DPP10: variants seen among roughly 807,000 people sequenced by gnomAD.
The protein encoded by DPP10 is inactive dipeptidyl peptidase 10.
A neutral mutation model predicts 120.9 loss-of-function variants in DPP10; 33 were observed. The ratio of observed to expected loss-of-function variants is 0.27; its 90% CI spans 0.21 to 0.37. The LOEUF (loss-of-function observed/expected upper bound fraction) is 0.37. Ranked by LOEUF, DPP10 falls within the 10% of genes least tolerant of loss-of-function variation. The pLI is 1.00. For missense variants in DPP10, 816 were observed against 942.8 expected, an observed-to-expected ratio of 0.87 and a Z score of 1.76; for synonymous variants, 337 against 326.1, an observed-to-expected ratio of 1.03 and a Z score of -0.36.
chr2:115,161,481 C>A (rs564269508), intron 1 of DPP10: 12,695 of 151,462 alleles, frequency 0.084, 755 homozygotes, highest in Non-Finnish European at 0.12. Flanking sequence ...CGGGCTCTCC[C>A]CCCCCCCGGC....
chr2:115,783,174 A>C (rs1175092103), intron 17 of DPP10, among the ~76,000 whole-genome samples: 5 of 151,020 alleles, frequency 3.3e-5, no homozygotes, highest in Admixed American at 6.6e-5. Context: ...ATATTTATTG[A>C]CTCACTTGAA....
intron 1 of DPP10, among the ~76,000 whole-genome samples, chr2:114,603,176 A>G (rs529478487): frequency 1.3e-5 from 2 of 152,162 alleles, no homozygotes; most frequent in African/African-American, 2.4e-5. Context: ...ACTTGTTTCA[A>G]TTTACTACAT....
chr2:115,179,401 A>G (rs2053926090), intron 1 of DPP10, among the ~76,000 whole-genome samples: 1 of 152,166 alleles, frequency 6.6e-6, no homozygotes, highest in Non-Finnish European at 1.5e-5. Context: ...GAGACTCTCA[A>G]TACATGATAA....
intron 1 of DPP10, among the ~76,000 whole-genome samples, chr2:114,822,805 TG>T (rs562498630): frequency 1.1e-3 from 166 of 152,280 alleles, no homozygotes; most frequent in African/African-American, 3.9e-3. Flanking sequence ...ACGGGCAAAA[TG>T]CCACCAGTCT....
intron 1 of DPP10, among the ~76,000 whole-genome samples, chr2:115,052,677 C>T (rs1473652275): frequency 1.3e-5 from 2 of 152,132 alleles, no homozygotes; most frequent in African/African-American, 2.4e-5. Flanking sequence ...ACAGGCCGGG[C>T]GTGGTGGCTC....
At chr2:115,599,856 T>A (rs200934699) in intron 5 of DPP10, among the ~76,000 whole-genome samples, 4 of 94 alleles carry the variant, frequency 0.043, no homozygotes, top group South Asian at 0.4. Flanking sequence ...CACATCTCAC[T>A]TTTTTTTGTA....
At chr2:115,212,304 G>A (rs4849387) in intron 1 of DPP10, among the ~76,000 whole-genome samples, 139,425 of 152,244 alleles carry the variant, frequency 0.92, 63,925 homozygotes, top group African/African-American at 0.97. Context: ...AAAGATTATC[G>A]GAGCAGCCTG....
rs532044830 is a variant in DPP10, at chr2:115,539,158, T to G, written c.441+13186T>G. Reference sequence around the variant, plus strand: ...ATACTCTAGCCAATTAGAGGCTGTATAGGAGACAGTCATAATTCTCAAAGA... The same window carrying G: ...ATACTCTAGCCAATTAGAGGCTGTAGAGGAGACAGTCATAATTCTCAAAGA... On this transcript the variant is annotated intron_variant, in intron 5 of 25. Transcript: ENST00000410059. Among the ~76,000 whole-genome samples, 193 of 152,048 alleles carry G rather than the reference T, an allele frequency of 1.3e-3. 1 individual carries two copies. Among genetic ancestry groups the G allele is most frequent in the African/African-American group, 4.6e-3 (190 of 41,524 alleles).
At chr2:115,483,875 G>C (rs1275346607) in intron 3 of DPP10, among the ~76,000 whole-genome samples, 2 of 152,050 alleles carry the variant, frequency 1.3e-5, no homozygotes, top group Non-Finnish European at 2.9e-5. Context: ...GTGTCAGACT[G>C]ATCTGCTGCC....
chr2:114,655,848 G>A (rs1696928810), intron 1 of DPP10, among the ~76,000 whole-genome samples: 1 of 152,080 alleles, frequency 6.6e-6, no homozygotes, highest in Admixed American at 6.6e-5. Flanking sequence ...GAATCTCATT[G>A]TTTTAAATGA....
chr2:114,682,016 C>T (rs1249798942), intron 1 of DPP10, among the ~76,000 whole-genome samples: 3 of 151,912 alleles, frequency 2.0e-5, no homozygotes, highest in South Asian at 2.1e-4. Context: ...TGAGTTAAAG[C>T]GTTGTCAATT....
chr2:115,116,733 G>A (rs895571703), intron 1 of DPP10, among the ~76,000 whole-genome samples: 4 of 152,112 alleles, frequency 2.6e-5, no homozygotes, highest in African/African-American at 9.7e-5. Context: ...GGTAAAGCAC[G>A]CATTTCCTAA....
At chr2:115,137,588 G>A (rs2050713366) in intron 1 of DPP10, among the ~76,000 whole-genome samples, 1 of 152,236 alleles carries the variant, frequency 6.6e-6, no homozygotes, top group Non-Finnish European at 1.5e-5. Context: ...AGCAGGTGGA[G>A]CAGGCAAGAA....
rs182915127 is a variant in DPP10 at position 115,190,340 on chromosome 2, A to G, written c.61-118899A>G. ...AGGACCCATGTGAGGCACTTCTTCTACAATTTTTTTTTAATCATGTTGACG... is the reference window on the plus strand; with the variant it reads ...AGGACCCATGTGAGGCACTTCTTCTGCAATTTTTTTTTAATCATGTTGACG... On this transcript the variant is annotated intron_variant, in intron 1 of 25. Coordinates refer to ENST00000410059, the MANE Select transcript of DPP10 (RefSeq NM_020868.6). 1.3e-3 allele frequency among the ~76,000 whole-genome samples: 183 copies of G among 140,130 alleles called. 1 individual carries two copies. Among genetic ancestry groups the G allele is most frequent in the Middle Eastern group, 7.1e-3 (2 of 280 alleles). 91.9% of individuals were successfully genotyped at this position (140,130 alleles called of 152,430 possible).
At chr2:115,557,311 A>G (rs745498048) in intron 5 of DPP10, among the ~76,000 whole-genome samples, 2 of 152,174 alleles carry the variant, frequency 1.3e-5, no homozygotes, top group African/African-American at 4.8e-5. Context: ...TTCAAAAAAC[A>G]TGATGAGAAA....
At chr2:115,164,139 T>C (rs1027517304) in intron 1 of DPP10, among the ~76,000 whole-genome samples, 3 of 152,096 alleles carry the variant, frequency 2.0e-5, no homozygotes, top group Admixed American at 6.5e-5. Context: ...TTCTAATAGA[T>C]TGATTTTACA....
chr2:115,359,032 A>G (rs1198044980), intron 3 of DPP10, among the ~76,000 whole-genome samples: 1 of 152,172 alleles, frequency 6.6e-6, no homozygotes, highest in Admixed American at 6.5e-5. Context: ...ATGTTGTTGC[A>G]TATGAGATGG....
At chr2:115,812,002 G>T (rs1686699234) in intron 19 of DPP10, among the ~76,000 whole-genome samples, 1 of 152,032 alleles carries the variant, frequency 6.6e-6, no homozygotes, top group Non-Finnish European at 1.5e-5. Flanking sequence ...ATCTAATCAT[G>T]GTTTTGTTCA....
intron 1 of DPP10, among the ~76,000 whole-genome samples, chr2:114,767,045 T>C (rs1299770031): frequency 1.4e-5 from 2 of 147,540 alleles, no homozygotes; most frequent in African/African-American, 2.5e-5. Flanking sequence ...GAAAATTTCA[T>C]GGGACTCTGA....
Sources: gnomAD v4.1 joint callset for allele counts (sites outside exome capture counted in the v4.1 genomes callset) on GRCh38, gnomAD v4.1.1 for gene constraint, MANE v1.5 for transcripts, NCBI Gene and HGNC (gene_info 2026-07-23, HGNC 2026-07-21) for gene names.